Variants in DOCK6 observed in about 807,000 individuals in gnomAD.
DOCK6 encodes dedicator of cytokinesis protein 6.
Under a neutral mutation model 230.3 loss-of-function variants are expected in DOCK6, and 167 were observed. That is an observed-to-expected ratio of 0.73 (90% CI 0.64 to 0.82). The LOEUF (loss-of-function observed/expected upper bound fraction) is 0.82. Among genes scored for constraint, DOCK6 ranks in the 40% least tolerant of loss-of-function variants. The pLI, the probability that DOCK6 is intolerant of heterozygous loss-of-function variation, is 0.00. For missense variants in DOCK6, 2,598 were observed against 2,825.8 expected, an observed-to-expected ratio of 0.92 and a Z score of 1.83; for synonymous variants, 1,148 against 1,185.0, an observed-to-expected ratio of 0.97 and a Z score of 0.64.
Position 11,236,348 on chromosome 19 carries a change from A to G in DOCK6, c.2390T>C (p.Ile797Thr), listed in dbSNP as rs1351843296. The change falls in exon 20 of 48, where the codon ATT (isoleucine) becomes ACT (threonine). Residue 797 changes from isoleucine (I) to threonine (T), a missense_variant and splice_region_variant. By Grantham distance (89) the Ile-to-Thr change is moderately conservative. Coordinates refer to ENST00000294618, the MANE Select transcript of DOCK6 (RefSeq NM_020812.4). This position sits in a 1 kb window ranked among gnomAD's most constrained non-coding sequence, Gnocchi z 5.2. ...VIRPPIISGQ[I>T]VNLGRGAFEA... Reference sequence around the variant, plus strand: ...GGTCTGAGGCCACATTCGCTTACCAATCTGGCCACTGATGATCGGGGGCCT... The same window carrying G: ...GGTCTGAGGCCACATTCGCTTACCAGTCTGGCCACTGATGATCGGGGGCCT... 16 of 1,549,842 alleles carry G rather than the reference A, an allele frequency of 1.0e-5. No individual in the cohort carries two copies. The highest frequency in any genetic ancestry group is 1.3e-5 in the Non-Finnish European group (15 of 1,143,802).
rs746754429 is a variant in DOCK6 at position 11,199,549 on chromosome 19, G to C, written c.6102-10C>G. 90 of 1,573,220 alleles carry C rather than the reference G, an allele frequency of 5.7e-5. No homozygotes were observed. The East Asian group carries it at 2.1e-3, about 36-fold the overall frequency. ...TCTGTTCAAGGAGTTCCTGGAAAAA[G>C]AATGAGGGTGGGTCAGCATGGCCAT... On this transcript the variant is annotated splice_polypyrimidine_tract_variant and intron_variant, in intron 47 of 47. Transcript: ENST00000294618.
intron 24 of DOCK6, among the ~76,000 whole-genome samples, chr19:11,226,727 A>C (rs2079670971): frequency 6.6e-6 from 1 of 152,232 alleles, no homozygotes. Flanking sequence ...TAAGTGCTCA[A>C]TAAATGCTCC....
At chr19:11,230,455 C>T (rs1312113156) in intron 22 of DOCK6, among the ~76,000 whole-genome samples, 2 of 151,996 alleles carry the variant, frequency 1.3e-5, no homozygotes, top group Admixed American at 1.3e-4. Context: ...GGAGTGGGAC[C>T]GAGAACACAC....
Position 11,200,875 on chromosome 19 carries a change from C to CT in DOCK6, c.5832+33_5832+34insA. 1 of 1,613,740 alleles carries CT rather than the reference C, an allele frequency of 6.2e-7. No homozygotes were observed. The highest frequency in any genetic ancestry group is 8.5e-7 in the Non-Finnish European group (1 of 1,179,786). ...AGCCTGCATGGCACCTGGAGTCCCC[C>CT]GTGCGGCTTGCATCCCCCTTCCACC... On this transcript the variant is annotated intron_variant, in intron 45 of 47. Coordinates refer to ENST00000294618, the MANE Select transcript of DOCK6 (RefSeq NM_020812.4). The surrounding 1 kb of genome is among the most constrained non-coding windows in gnomAD (Gnocchi z 4.3).
At chr19:11,248,714 T>C (rs2080073379) in intron 6 of DOCK6, among the ~76,000 whole-genome samples, 1 of 152,212 alleles carries the variant, frequency 6.6e-6, no homozygotes, top group East Asian at 1.9e-4. Flanking sequence ...GGCACTACTC[T>C]GTCTGGGTTA....
chr19:11,202,067 C>G lies in DOCK6; in HGVS notation c.5510G>C (p.Arg1837Pro). 6.2e-7 allele frequency: 1 copy of G among 1,614,028 alleles called. No homozygotes were observed. Among genetic ancestry groups the G allele is most frequent in the Non-Finnish European group, 8.5e-7 (1 of 1,179,904 alleles). ...PYFDTYELKDRVTYFDRNYGL... is the reference protein window; with the variant it reads ...PYFDTYELKDPVTYFDRNYGL... ...ATAGTTGCGGTCAAAGTAGGTCACC[C>G]GGTCCTTGAGCTCGTAGGTATCAAA... is the stretch of plus-strand genomic sequence containing the variant. The change falls in exon 44 of 48, where the codon CGG becomes CCG. Residue 1837 changes from arginine (R) to proline (P), a missense_variant. Coordinates refer to ENST00000294618, the MANE Select transcript of DOCK6 (RefSeq NM_020812.4). This position sits in a 1 kb window ranked among gnomAD's most constrained non-coding sequence, Gnocchi z 5.3.
chr19:11,234,572 C>T (rs2079817947), intron 21 of DOCK6, among the ~76,000 whole-genome samples: 1 of 151,498 alleles, frequency 6.6e-6, no homozygotes, highest in Admixed American at 6.6e-5. Context: ...GTGTGGATTA[C>T]TATGTCACTT....
At chr19:11,207,370 A>AT (rs1186103219) in intron 39 of DOCK6, among the ~76,000 whole-genome samples, 1 of 151,368 alleles carries the variant, frequency 6.6e-6, no homozygotes, top group Non-Finnish European at 1.5e-5. Flanking sequence ...AATTTCTTGT[A>AT]TTTTTTTGTA....
rs760155836 is a variant in DOCK6, at chr19:11,243,795, C to T, written c.1104+7G>A. 8 of 1,613,152 alleles carry T rather than the reference C, an allele frequency of 5.0e-6. No homozygotes were observed. In the Admixed American group the frequency reaches 5.0e-5, roughly 10 times the overall value. ...TGTTGCCCCTAGTCCAGCCTCCACA[C>T]GCTTACCTTGGCTGTGTCCACTTCT... On this transcript the variant is annotated splice_region_variant and intron_variant, in intron 10 of 47. Coordinates refer to ENST00000294618, the MANE Select transcript of DOCK6 (RefSeq NM_020812.4). This position sits in a 1 kb window ranked among gnomAD's most constrained non-coding sequence, Gnocchi z 6.3.
chr19:11,201,914 C>G lies in DOCK6; in HGVS notation c.5663G>C (p.Arg1888Pro). ...CTCCTCCCGGTGGCACACACGGATG[C>G]GAGTCTTGATGTAGGGGAAGGCGTG... is the stretch of plus-strand genomic sequence containing the variant. ...TDHAFPYIKT[R>P]IRVCHREETV... Residue 1888 changes from arginine (R) to proline (P), a missense_variant, in exon 44 of 48, where the codon CGC (arginine) becomes CCC (proline). Arg to Pro is a moderately radical substitution (Grantham distance 103). Transcript: ENST00000294618. This position sits in a 1 kb window ranked among gnomAD's most constrained non-coding sequence, Gnocchi z 4.3. 6.4e-7 allele frequency: 1 copy of G among 1,573,816 alleles called. No individual in the cohort carries two copies. The highest frequency in any genetic ancestry group is 1.4e-5 in the African/African-American group (1 of 73,934).
At chr19:11,215,544 A>G (rs1481709146) in intron 31 of DOCK6, 73 bp from the exon 32 acceptor site, 29 of 1,458,688 alleles carry the variant, frequency 2.0e-5, no homozygotes, top group Middle Eastern at 1.7e-4. Context: ...AGAAATGCAC[A>G]GGCATGAAGA....
At chr19:11,234,522 A>T (rs1271255621) in intron 21 of DOCK6, among the ~76,000 whole-genome samples, 1 of 145,408 alleles carries the variant, frequency 6.9e-6, no homozygotes, top group East Asian at 2.0e-4. Flanking sequence ...AAAAAAAAAA[A>T]TCCAACTCTA....
At chr19:11,206,358 C>T (rs2079259711) in intron 39 of DOCK6, 1 of 151,776 alleles carries the variant, frequency 6.6e-6, no homozygotes, top group African/African-American at 2.4e-5. Flanking sequence ...AGTTCAAGCC[C>T]AGCCTGGGCA....
At chr19:11,260,144 G>A (rs1265706529) in intron 1 of DOCK6, among the ~76,000 whole-genome samples, 1 of 152,056 alleles carries the variant, frequency 6.6e-6, no homozygotes, top group East Asian at 1.9e-4. Flanking sequence ...AGTTGCTCTG[G>A]AAGCCCTGGG....
In DOCK6 at chr19:11,235,608, G is replaced by C; in HGVS notation, c.2544C>G (p.Ser848Arg). 2 of 1,591,408 alleles carry C rather than the reference G, an allele frequency of 1.3e-6. No individual in the cohort carries two copies. Among genetic ancestry groups the C allele is most frequent in the Non-Finnish European group, 1.7e-6 (2 of 1,165,774 alleles). The change falls in exon 21 of 48, where the codon AGC becomes AGG. Residue 848 changes from serine to arginine, a missense_variant. Physicochemically the swap from Ser to Arg is moderately radical, Grantham distance 110. Coordinates refer to ENST00000294618, the MANE Select transcript of DOCK6 (RefSeq NM_020812.4). ...YAFRLPGTEP[S>R]LPDGAPPVTV... ...TTTCTACAAACTCACCATCCGGGAG[G>C]CTGGGCTCAGTGCCAGGAAGGCGAA... is the stretch of plus-strand genomic sequence containing the variant.
At chr19:11,256,977 C>A (rs779833051) in intron 1 of DOCK6, among the ~76,000 whole-genome samples, 23 of 151,974 alleles carry the variant, frequency 1.5e-4, no homozygotes, top group Non-Finnish European at 3.1e-4. Flanking sequence ...CCGAGCCCGG[C>A]CTGTTTTTGT....
chr19:11,247,810 T>C (rs2080058538), intron 7 of DOCK6: 1 of 411,198 alleles, frequency 2.4e-6, no homozygotes. Flanking sequence ...CTTCATGAGG[T>C]TGTGGTGAAT....
intron 1 of DOCK6, among the ~76,000 whole-genome samples, chr19:11,260,664 C>T (rs558757803): frequency 4.6e-5 from 7 of 150,700 alleles, no homozygotes; most frequent in South Asian, 4.2e-4. Context: ...GGGCGGATCA[C>T]CTGAGGTCAG....
intron 40 of DOCK6, 34 bp from the exon 41 acceptor site, chr19:11,204,129 C>A (rs765751791): frequency 7.0e-7 from 1 of 1,424,052 alleles, no homozygotes; most frequent in East Asian, 2.9e-5. Flanking sequence ...GTCAGCAGAT[C>A]CCTGGGGATG....
Sources: gnomAD v4.1 joint callset for allele counts (sites outside exome capture counted in the v4.1 genomes callset) on GRCh38, gnomAD v4.1.1 for gene constraint, Gnocchi (gnomAD v3.1) non-coding constraint, MANE v1.5 for transcripts, NCBI Gene and HGNC (gene_info 2026-07-23, HGNC 2026-07-21) for gene names.